Variants in PEPD observed in about 807,000 individuals in gnomAD.
PEPD encodes the protein xaa-Pro dipeptidase.
Under a neutral mutation model 60.7 loss-of-function variants are expected in PEPD, and 53 were observed. The observed-to-expected ratio is 0.87, with a 90% confidence interval of 0.70 to 1.10. PEPD has a LOEUF of 1.10. PEPD is among the 50% of genes least tolerant of loss of function. PEPD has a pLI of 0.00. For missense variants in PEPD, 711 were observed against 711.9 expected (o/e 1.00, Z 0.01); for synonymous variants, 267 against 284.1 (o/e 0.94, Z 0.60).
intron 4 of PEPD, among the ~76,000 whole-genome samples, chr19:33,499,551 T>C (rs911583133): frequency 6.6e-6 from 1 of 151,890 alleles, no homozygotes. Flanking sequence ...GAAAAAGAAC[T>C]GGACGTTCAA....
At chr19:33,462,386 T>G (rs1969941552) in intron 9 of PEPD, among the ~76,000 whole-genome samples, 2 of 152,158 alleles carry the variant, frequency 1.3e-5, no homozygotes, top group African/African-American at 4.8e-5. Flanking sequence ...AGGGAGCCAC[T>G]GAGGCAGTTT....
At chr19:33,397,575 C>A (rs1568449158) in intron 12 of PEPD, among the ~76,000 whole-genome samples, 1 of 151,716 alleles carries the variant, frequency 6.6e-6, no homozygotes, top group Non-Finnish European at 1.5e-5. Flanking sequence ...TGGGGGACAC[C>A]AATGCCACAC....
At chr19:33,414,478 T>C (rs1968845541) in intron 9 of PEPD, among the ~76,000 whole-genome samples, 1 of 152,172 alleles carries the variant, frequency 6.6e-6, no homozygotes. Flanking sequence ...GTGAGGGGTG[T>C]GGTCGTGGGG....
chr19:33,477,323 C>T (rs1339437887), intron 7 of PEPD: 1 of 153,532 alleles, frequency 6.5e-6, no homozygotes, highest in Non-Finnish European at 1.5e-5. Flanking sequence ...AAAATGTGAT[C>T]ATACAGACTT....
intron 13 of PEPD, among the ~76,000 whole-genome samples, chr19:33,390,709 G>C (rs934711589): frequency 6.6e-6 from 1 of 152,224 alleles, no homozygotes; most frequent in Non-Finnish European, 1.5e-5. Context: ...AACCTTGTCT[G>C]GAGATGGCCC....
intron 11 of PEPD, among the ~76,000 whole-genome samples, chr19:33,408,483 G>A (rs1336365595): frequency 2.6e-5 from 4 of 152,238 alleles, no homozygotes; most frequent in Non-Finnish European, 4.4e-5. Context: ...ATGTGTGTGC[G>A]TGTTGGGGGA....
rs979079239 is a variant in PEPD at position 33,458,874 on chromosome 19, T to C, written c.671+4121A>G. Among the ~76,000 whole-genome samples the C allele has an allele frequency of 4.0e-5, 6 of 151,662 alleles. No homozygotes were observed. The South Asian group carries it at 1.0e-3, about 26-fold the overall frequency. On this transcript the variant is annotated intron_variant, in intron 9 of 14. Transcript: ENST00000244137. ...TGTGTATGGTGTGGCGTGTGTGTCA[T>C]GTGTGTGGCATCTGGGGCATGTGTC... is the stretch of plus-strand genomic sequence containing the variant.
intron 9 of PEPD, among the ~76,000 whole-genome samples, chr19:33,443,757 C>T (rs1969532330): frequency 1.3e-5 from 2 of 151,950 alleles, no homozygotes; most frequent in African/African-American, 2.4e-5. Flanking sequence ...TGAGGGGGTG[C>T]GCGTAATGGG....
intron 9 of PEPD, among the ~76,000 whole-genome samples, chr19:33,424,989 C>CA (rs1969109737): frequency 6.7e-6 from 1 of 148,208 alleles, no homozygotes. Flanking sequence ...TTTAAAAAAA[C>CA]AAAAAAACAA....
chr19:33,452,527 A>G (rs566415416), intron 9 of PEPD, among the ~76,000 whole-genome samples: 34 of 152,168 alleles, frequency 2.2e-4, no homozygotes, highest in Non-Finnish European at 3.8e-4. Flanking sequence ...AAAGGCCAAT[A>G]AAGAAGATAA....
intron 13 of PEPD, 90 bp downstream of exon 13, chr19:33,391,201 CGCCT>C: frequency 4.0e-6 from 4 of 1,010,358 alleles, no homozygotes; most frequent in South Asian, 1.3e-5. Context: ...TCCCAATACA[CGCCT>C]GCTGCCTCCT....
chr19:33,428,245 G>A (rs1056687467), intron 9 of PEPD, among the ~76,000 whole-genome samples: 1 of 152,194 alleles, frequency 6.6e-6, no homozygotes, highest in African/African-American at 2.4e-5. Context: ...TCACGCCCGT[G>A]GATGCCGGGT....
At position 33,508,052 on chromosome 19, in the gene PEPD, C is replaced by T. The variant is rs556704772; in HGVS notation, c.329+2976G>A. ...GACCCCTGTTGGAAACCCCTGGAAA[C>T]CCCAGGTGGGGCCCTGTTTAGCCCC... On this transcript the variant is annotated intron_variant, in intron 3 of 14. Transcript: ENST00000244137. Among the ~76,000 whole-genome samples, 23 of 152,074 alleles carry T rather than the reference C, an allele frequency of 1.5e-4. No homozygotes were observed. In the South Asian group the frequency reaches 4.4e-3, roughly 29 times the overall value.
intron 12 of PEPD, among the ~76,000 whole-genome samples, chr19:33,400,522 A>G (rs555477166): frequency 6.6e-6 from 1 of 152,332 alleles, no homozygotes; most frequent in Admixed American, 6.5e-5. Flanking sequence ...TGGGCAGGGA[A>G]AGCCCCTCTG....
chr19:33,475,944 C>T (rs1053439100), intron 7 of PEPD, among the ~76,000 whole-genome samples: 4 of 152,182 alleles, frequency 2.6e-5, no homozygotes, highest in Non-Finnish European at 5.9e-5. Context: ...ACTGCAGCCT[C>T]GACCTCCTGG....
chr19:33,501,842 A>G (rs1970720342), intron 3 of PEPD, among the ~76,000 whole-genome samples: 1 of 152,168 alleles, frequency 6.6e-6, no homozygotes, highest in Admixed American at 6.5e-5. Flanking sequence ...TGCTGGGATT[A>G]TAGGCATTAG....
chr19:33,443,455 A>C (rs1969523501), intron 9 of PEPD, among the ~76,000 whole-genome samples: 1 of 152,218 alleles, frequency 6.6e-6, no homozygotes, highest in Admixed American at 6.5e-5. Flanking sequence ...TATTCATTTA[A>C]ATTTATTCAT....
rs148273054 is a variant in PEPD, at chr19:33,422,367, CTACT to C, written c.672-8728_672-8725del. On this transcript the variant is annotated intron_variant, in intron 9 of 14. Transcript: ENST00000244137. The stretch of plus-strand genomic sequence containing the variant: ...CAATCAATCATCTGCCTATATCTAC[CTACT>C]TATCATCCATCTACCCATCCATCCA... Among the ~76,000 whole-genome samples, 1,497 of 152,196 alleles carry C rather than the reference CTACT, an allele frequency of 9.8e-3. 27 individuals are homozygous for C. Among genetic ancestry groups the C allele is most frequent in the African/African-American group, 0.033 (1,378 of 41,496 alleles).
At chr19:33,412,828 G>A (rs1968807682) in intron 10 of PEPD, among the ~76,000 whole-genome samples, 1 of 152,224 alleles carries the variant, frequency 6.6e-6, no homozygotes, top group Non-Finnish European at 1.5e-5. Context: ...CAGAGAGCAG[G>A]GAGACTGGCT....
Sources: allele counts gnomAD v4.1 joint callset (sites outside exome capture counted in the v4.1 genomes callset), GRCh38; gene constraint gnomAD v4.1.1; transcripts MANE v1.5; gene names NCBI Gene and HGNC (gene_info 2026-07-23, HGNC 2026-07-21).